The following KATNBL1 variants were observed in gnomAD, a reference collection of about 807,000 sequenced individuals.
KATNBL1 encodes the protein katanin regulatory subunit B1 like 1.
KATNBL1 carries 28 observed loss-of-function variants against 44.7 expected under a neutral mutation model. The ratio of observed to expected loss-of-function variants is 0.63; its 90% CI spans 0.46 to 0.86. The LOEUF is 0.86. Among genes scored for constraint, KATNBL1 ranks in the 40% least tolerant of loss-of-function variants. The probability of loss-of-function intolerance (pLI) is 0.00; values close to 1 mark genes in which losing one functional copy is unlikely to be tolerated. For synonymous variants in KATNBL1, 78 were observed against 114.9 expected (o/e 0.68, Z 2.06); for missense variants, 272 against 350.7 (o/e 0.78, Z 1.79).
intron 9 of KATNBL1, chr15:34,143,026 T>C: frequency 8.0e-7 from 1 of 1,253,060 alleles, no homozygotes. Context: ...TTTCAATTTC[T>C]ATACTCAAAA....
chr15:34,208,113 A>G lies in KATNBL1; in HGVS notation c.-15+1838T>C, dbSNP rs932511224. Reference sequence around the variant, plus strand: ...TTTATTTTTATTATTTTTTATTTCAATAGGTTTTTGGGGAACAAGTGGTGT... The same window carrying G: ...TTTATTTTTATTATTTTTTATTTCAGTAGGTTTTTGGGGAACAAGTGGTGT... On this transcript the variant is annotated intron_variant, in intron 1 of 9. Coordinates refer to ENST00000256544, the MANE Select transcript of KATNBL1 (RefSeq NM_024713.3). Among the ~76,000 whole-genome samples the G allele has an allele frequency of 5.9e-5, 9 of 152,032 alleles. No individual in the cohort carries two copies. The East Asian group carries it at 1.5e-3, about 26-fold the overall frequency.
Position 34,147,191 on chromosome 15 carries a change from A to G in KATNBL1, c.698+9T>C, listed in dbSNP as rs1888335362. ...AGAAAAATGAATCAAGATTCAGATT[A>G]GCACTTACTCTTCAAATTTGCTTTT... is the stretch of plus-strand genomic sequence containing the variant. On this transcript the variant is annotated intron_variant, in intron 7 of 9. Coordinates refer to ENST00000256544, the MANE Select transcript of KATNBL1 (RefSeq NM_024713.3). 1 of 1,515,788 alleles carries G rather than the reference A, an allele frequency of 6.6e-7. No individual in the cohort carries two copies. Among genetic ancestry groups the G allele is most frequent in the African/African-American group, 1.4e-5 (1 of 72,736 alleles). The allele number at this position is 1,515,788 out of a possible 1,614,324, so 93.9% of individuals were successfully genotyped here.
At chr15:34,193,136 C>G (rs903133815) in intron 1 of KATNBL1, among the ~76,000 whole-genome samples, 1 of 142,002 alleles carries the variant, frequency 7.0e-6, no homozygotes, top group Admixed American at 7.7e-5. Context: ...AGAATGGCGT[C>G]AACCCGGGAG....
intron 1 of KATNBL1, among the ~76,000 whole-genome samples, chr15:34,191,372 CTAT>C (rs1889868231): frequency 6.6e-6 from 1 of 151,758 alleles, no homozygotes; most frequent in Non-Finnish European, 1.5e-5. Context: ...CCATTTTTCA[CTAT>C]TATTAGTAAA....
chr15:34,194,018 C>G (rs988998792), intron 1 of KATNBL1, among the ~76,000 whole-genome samples: 5 of 151,990 alleles, frequency 3.3e-5, no homozygotes, highest in African/African-American at 7.3e-5. Context: ...CTCGGCTCAC[C>G]ACAACGTCCG....
rs759052419 is a variant in KATNBL1 at position 34,153,025 on chromosome 15, A to C, written c.203T>G (p.Val68Gly). 5 of 1,613,382 alleles carry C rather than the reference A, an allele frequency of 3.1e-6. No homozygotes were observed. The highest frequency in any genetic ancestry group is 1.1e-5 in the South Asian group (1 of 91,020). The change falls in exon 4 of 10, where the codon GTG (valine) becomes GGG (glycine). Residue 68 changes from valine to glycine, a missense_variant. Transcript: ENST00000256544. Reference protein sequence around the residue: ...TVKSPDKLRKVIYRRKKVHHP... With the variant: ...TVKSPDKLRKGIYRRKKVHHP... Reference sequence around the variant, plus strand: ...ATGAACTTTCTTTCTGCGATAGATCACTTTACGAAGTTTATCTGGGCTTTT... The same window carrying C: ...ATGAACTTTCTTTCTGCGATAGATCCCTTTACGAAGTTTATCTGGGCTTTT...
intron 1 of KATNBL1, among the ~76,000 whole-genome samples, chr15:34,192,413 A>AC (rs1305108925): frequency 1.3e-5 from 2 of 152,056 alleles, no homozygotes; most frequent in African/African-American, 4.8e-5. Context: ...CAAAAAAAAA[A>AC]AAAAAACAAA....
chr15:34,159,602 T>A (rs1463971837), intron 2 of KATNBL1, among the ~76,000 whole-genome samples: 2 of 152,204 alleles, frequency 1.3e-5, no homozygotes, highest in African/African-American at 4.8e-5. Context: ...TAGGGTTTTT[T>A]AATTTTAACA....
At chr15:34,184,327 C>T (rs765836603) in intron 1 of KATNBL1, among the ~76,000 whole-genome samples, 2 of 120,754 alleles carry the variant, frequency 1.7e-5, no homozygotes, top group African/African-American at 6.9e-5. Flanking sequence ...ATTAGCTGGG[C>T]GTGGTGGTGC....
intron 1 of KATNBL1, among the ~76,000 whole-genome samples, chr15:34,169,750 C>G (rs557380056): frequency 3.3e-5 from 5 of 152,152 alleles, no homozygotes; most frequent in African/African-American, 9.7e-5. Flanking sequence ...ACGATCAAGT[C>G]GGCTTCATCC....
At chr15:34,151,713 C>G (rs1888484281) in intron 4 of KATNBL1, among the ~76,000 whole-genome samples, 1 of 151,956 alleles carries the variant, frequency 6.6e-6, no homozygotes. Context: ...AGTGTGCCAC[C>G]ATGCCTAGCT....
intron 1 of KATNBL1, among the ~76,000 whole-genome samples, chr15:34,173,439 C>A (rs760323616): frequency 2.0e-5 from 3 of 152,008 alleles, no homozygotes; most frequent in Non-Finnish European, 4.4e-5. Flanking sequence ...TCTCAGGCAA[C>A]CTAAAATTTT....
intron 4 of KATNBL1, among the ~76,000 whole-genome samples, chr15:34,151,638 G>C (rs1888481942): frequency 6.6e-6 from 1 of 151,796 alleles, no homozygotes; most frequent in African/African-American, 2.4e-5. Flanking sequence ...TTTTGGTAAA[G>C]ATGGGGTTTT....
At chr15:34,143,019 C>T (rs1188548842) in intron 9 of KATNBL1, 3 of 1,244,988 alleles carry the variant, frequency 2.4e-6, no homozygotes, top group East Asian at 5.7e-5. Flanking sequence ...CCTCTTCTTT[C>T]AATTTCTATA....
intron 1 of KATNBL1, among the ~76,000 whole-genome samples, chr15:34,176,013 T>C (rs1009077198): frequency 3.9e-5 from 6 of 152,316 alleles, no homozygotes; most frequent in East Asian, 1.9e-4. Flanking sequence ...ACAACCCAAA[T>C]GTCCATCAAC....
chr15:34,169,742 G>A (rs746314327), intron 1 of KATNBL1, among the ~76,000 whole-genome samples: 21 of 152,166 alleles, frequency 1.4e-4, no homozygotes, highest in Non-Finnish European at 2.5e-4. Flanking sequence ...TATCCACCAC[G>A]ATCAAGTCGG....
At chr15:34,181,103 A>G (rs898643602) in intron 1 of KATNBL1, among the ~76,000 whole-genome samples, 1 of 152,306 alleles carries the variant, frequency 6.6e-6, no homozygotes, top group Middle Eastern at 3.4e-3. Context: ...TATAGTGTTC[A>G]TGGTAAAATA....
chr15:34,170,028 C>T lies in KATNBL1; in HGVS notation c.-14-6338G>A, dbSNP rs145619465. On this transcript the variant is annotated intron_variant, in intron 1 of 9. Coordinates refer to ENST00000256544, the MANE Select transcript of KATNBL1 (RefSeq NM_024713.3). ...GAAGCATTCCCTTTGAAAACTGGCACAAGACACGGATGCCCTCTCTCACCA... is the reference window on the plus strand; with the variant it reads ...GAAGCATTCCCTTTGAAAACTGGCATAAGACACGGATGCCCTCTCTCACCA... Among the ~76,000 whole-genome samples, 234 of 152,286 alleles carry T rather than the reference C, an allele frequency of 1.5e-3. 1 individual carries two copies. Among genetic ancestry groups the T allele is most frequent in the Middle Eastern group, 6.8e-3 (2 of 294 alleles).
At chr15:34,168,949 G>A (rs1033677805) in intron 1 of KATNBL1, among the ~76,000 whole-genome samples, 6 of 152,144 alleles carry the variant, frequency 3.9e-5, no homozygotes, top group Non-Finnish European at 5.9e-5. Context: ...GTGTGTAGCC[G>A]GAAATTTATG....
Sources: gnomAD v4.1 joint callset for allele counts (sites outside exome capture counted in the v4.1 genomes callset) on GRCh38, gnomAD v4.1.1 for gene constraint, MANE v1.5 for transcripts, NCBI Gene and HGNC (gene_info 2026-07-23, HGNC 2026-07-21) for gene names.